REXO1: variants seen among roughly 807,000 people sequenced by gnomAD.
REXO1 encodes the protein RNA exonuclease 1 homolog.
REXO1 carries 42 observed loss-of-function variants against 102.6 expected under a neutral mutation model. The ratio of observed to expected loss-of-function variants is 0.41; its 90% CI spans 0.32 to 0.53. The LOEUF is 0.53. Among genes scored for constraint, REXO1 ranks in the 20% least tolerant of loss-of-function variants. The pLI is 0.27. For synonymous variants in REXO1, 908 were observed against 779.1 expected (o/e 1.17, Z -2.76); for missense variants, 1,819 against 1,732.5 (o/e 1.05, Z -0.89).
intron 1 of REXO1, among the ~76,000 whole-genome samples, chr19:1,833,339 G>T (rs732310): frequency 0.38 from 58,525 of 152,220 alleles, 13,114 homozygotes; most frequent in Non-Finnish European, 0.52. Context: ...GGGCAGGCAG[G>T]GGAACATCAC....
chr19:1,841,088 G>A (rs1192637699), intron 1 of REXO1, among the ~76,000 whole-genome samples: 1 of 152,250 alleles, frequency 6.6e-6, no homozygotes, highest in Non-Finnish European at 1.5e-5. Flanking sequence ...CAGTGCACAT[G>A]CGGCTCCTCC....
chr19:1,823,298 C>T (rs1294754883), intron 4 of REXO1: 3 of 383,338 alleles, frequency 7.8e-6, no homozygotes, highest in Admixed American at 4.5e-5. Flanking sequence ...ACCACAGGCT[C>T]AGGCCCTGGT....
chr19:1,815,849 C>A lies in REXO1; in HGVS notation c.*217G>T. ...AGCAGTTTCTAGAGACGCCAGAGGG[C>A]TGGGGGGCAGAGGGTGGGGACCGGC... On this transcript the variant is annotated 3_prime_UTR_variant, in exon 16 of 16. Transcript: ENST00000170168. This position sits in a 1 kb window ranked among gnomAD's most constrained non-coding sequence, Gnocchi z 4.0. 1.4e-6 allele frequency: 2 copies of A among 1,465,430 alleles called. No homozygotes were observed. The highest frequency in any genetic ancestry group is 1.8e-6 in the Non-Finnish European group (2 of 1,114,924). 90.8% of individuals were successfully genotyped at this position (1,465,430 alleles called of 1,614,324 possible).
chr19:1,843,685 G>A (rs1359856362), intron 1 of REXO1, among the ~76,000 whole-genome samples: 2 of 152,208 alleles, frequency 1.3e-5, no homozygotes, highest in African/African-American at 4.8e-5. Context: ...TGCTGGCTGC[G>A]GGGGTTCTCC....
At chr19:1,845,924 G>A (rs2011516737) in intron 1 of REXO1, among the ~76,000 whole-genome samples, 2 of 152,298 alleles carry the variant, frequency 1.3e-5, no homozygotes, top group South Asian at 2.1e-4. Flanking sequence ...CTGGCCAGGT[G>A]GTAGTATGGG....
At chr19:1,839,619 C>T (rs1035992046) in intron 1 of REXO1, among the ~76,000 whole-genome samples, 9 of 152,356 alleles carry the variant, frequency 5.9e-5, no homozygotes, top group Admixed American at 3.9e-4. Flanking sequence ...GTGGGCCGAC[C>T]CCGGCCCCAT....
chr19:1,828,034 T>C lies in REXO1; in HGVS notation c.755A>G (p.Asp252Gly). 6.2e-7 allele frequency: 1 copy of C among 1,612,780 alleles called. No homozygotes were observed. Among genetic ancestry groups the C allele is most frequent in the Non-Finnish European group, 8.5e-7 (1 of 1,179,712 alleles). The change falls in exon 2 of 16, where the codon GAT becomes GGT. Residue 252 changes from aspartate to glycine, a missense_variant. Transcript: ENST00000170168. Reference sequence around the variant, plus strand: ...CCGGGGCCGCTTGGCGGCCCGCTCATCCCGGGAGCTGGCCCTGCTGAGGTG... The same window carrying C: ...CCGGGGCCGCTTGGCGGCCCGCTCACCCCGGGAGCTGGCCCTGCTGAGGTG... The part of the protein sequence containing the change: ...ARHLSRASSR[D>G]ERAAKRPRGS...
chr19:1,841,028 C>A (rs745612320), intron 1 of REXO1, among the ~76,000 whole-genome samples: 3 of 152,218 alleles, frequency 2.0e-5, no homozygotes, highest in African/African-American at 7.2e-5. Flanking sequence ...TCCTCGCAGC[C>A]GTTCCCAAAA....
chr19:1,823,834 G>A (rs146256869), intron 3 of REXO1, 49 bp from the exon 4 acceptor site: 20 of 920,212 alleles, frequency 2.2e-5, no homozygotes, highest in Middle Eastern at 3.8e-4. Flanking sequence ...GGGGCACCTG[G>A]AGCAGGCGAC....
rs1020690305 is a variant in REXO1, at chr19:1,821,704, G to A, written c.2231-22C>T. The A allele has an allele frequency of 6.9e-6, 11 of 1,598,814 alleles. No homozygotes were observed. In the Admixed American group the frequency reaches 7.0e-5, roughly 10 times the overall value. On this transcript the variant is annotated intron_variant, in intron 4 of 15. Transcript: ENST00000170168. ...GGGGCTGGCGGGGCACAGGGGGTGT[G>A]GGCACAGGGCGAGTGGCTGCCCATC...
chr19:1,816,965 C>T lies in REXO1; in HGVS notation c.3202-152G>A, dbSNP rs1184338239. ...TAGGAGAGGCCGAGTGGGGTGTGAC[C>T]TCAGTAACCCCCTTTCGCAAAGCCC... On this transcript the variant is annotated intron_variant, in intron 12 of 15. Transcript: ENST00000170168. 4.2e-6 allele frequency: 3 copies of T among 719,368 alleles called. No individual in the cohort carries two copies. The African/African-American group carries it at 5.3e-5, about 13-fold the overall frequency. The allele number at this position is 719,368 out of a possible 1,614,324, so 44.6% of individuals were successfully genotyped here.
At position 1,815,727 on chromosome 19, in the gene REXO1, G is replaced by C; in HGVS notation, c.*339C>G. ...CGCCCCGCGACCCACGTGAGGAGCA[G>C]AGGTGCCGGCCACCACCCGGGAGGG... On this transcript the variant is annotated 3_prime_UTR_variant, in exon 16 of 16. Coordinates refer to ENST00000170168, the MANE Select transcript of REXO1 (RefSeq NM_020695.4). This position sits in a 1 kb window ranked among gnomAD's most constrained non-coding sequence, Gnocchi z 4.0. The C allele has an allele frequency of 7.2e-7, 1 of 1,395,358 alleles. No individual in the cohort carries two copies. Among genetic ancestry groups the C allele is most frequent in the Non-Finnish European group, 9.3e-7 (1 of 1,071,638 alleles). 86.4% of individuals were successfully genotyped at this position (1,395,358 alleles called of 1,614,324 possible). A position where few individuals can be genotyped will look rare whatever the true frequency, so the allele number is the denominator to read the frequency against.
chr19:1,821,780 G>T, intron 4 of REXO1, 98 bp from the exon 5 acceptor site: 1 of 1,126,854 alleles, frequency 8.9e-7, no homozygotes, highest in Non-Finnish European at 1.3e-6. Flanking sequence ...CCAGCAGCAC[G>T]TGCATCTCCG....
In REXO1 at chr19:1,819,039, G is replaced by A. The variant is rs1181802389; in HGVS notation, c.2743C>T (p.Pro915Ser). The A allele has an allele frequency of 3.1e-6, 5 of 1,602,504 alleles. No individual in the cohort carries two copies. The highest frequency in any genetic ancestry group is 4.3e-6 in the Non-Finnish European group (5 of 1,173,754). The change falls in exon 8 of 16, where the codon CCC (proline) becomes TCC (serine). Residue 915 changes from proline to serine, a missense_variant. Pro to Ser is a moderately conservative substitution (Grantham distance 74). Coordinates refer to ENST00000170168, the MANE Select transcript of REXO1 (RefSeq NM_020695.4). ...TSFSLSRPSS[P>S]RVEDLKGAAL... ...TTACCTTTCAGGTCCTCCACCCGGGGGCTGCTTGGACGGCTGAGCGAGAAG... is the reference window on the plus strand; with the variant it reads ...TTACCTTTCAGGTCCTCCACCCGGGAGCTGCTTGGACGGCTGAGCGAGAAG...
intron 1 of REXO1, among the ~76,000 whole-genome samples, chr19:1,847,371 A>T (rs187412063): frequency 3.4e-4 from 52 of 152,326 alleles, no homozygotes; most frequent in Admixed American, 1.0e-3. Flanking sequence ...CTCACGCCCA[A>T]TGAGGAAATC....
In REXO1 at chr19:1,820,369, T is replaced by G; in HGVS notation, c.2421A>C (p.Lys807Asn). Residue 807 changes from lysine (K) to asparagine (N), a missense_variant, in exon 6 of 16, where the codon AAA becomes AAC. By Grantham distance (94) the Lys-to-Asn change is moderately conservative (BLOSUM62 0). Coordinates refer to ENST00000170168, the MANE Select transcript of REXO1 (RefSeq NM_020695.4). ...LQSLKKPIIPKEFGGKVPTVI... is the reference protein window; with the variant it reads ...LQSLKKPIIPNEFGGKVPTVI... ...CGGTGGGGACTTTGCCCCCAAACTC[T>G]TTGGGGATAATGGGTTTCTTTAAAC... The G allele has an allele frequency of 6.2e-7, 1 of 1,613,692 alleles. No homozygotes were observed. The highest frequency in any genetic ancestry group is 8.5e-7 in the Non-Finnish European group (1 of 1,179,942).
At chr19:1,835,369 T>G (rs2070010470) in intron 1 of REXO1, among the ~76,000 whole-genome samples, 1 of 151,654 alleles carries the variant, frequency 6.6e-6, no homozygotes, top group Non-Finnish European at 1.5e-5. Context: ...ATGGTGAAAC[T>G]CCACCTCTAC....
chr19:1,819,405 G>T (rs1014398804), intron 7 of REXO1, among the ~76,000 whole-genome samples: 3 of 152,102 alleles, frequency 2.0e-5, no homozygotes, highest in African/African-American at 7.3e-5. Context: ...CTCAAGCGAA[G>T]GGGGAAGGGC....
intron 7 of REXO1, 128 bp from the exon 8 acceptor site, chr19:1,819,259 C>T: frequency 2.8e-6 from 2 of 702,626 alleles, no homozygotes; most frequent in African/African-American, 1.8e-5. Context: ...GGACAGCACC[C>T]CACTGACCCC....
Sources: gnomAD v4.1 joint callset for allele counts (sites outside exome capture counted in the v4.1 genomes callset) on GRCh38, gnomAD v4.1.1 for gene constraint, Gnocchi (gnomAD v3.1) non-coding constraint, MANE v1.5 for transcripts, NCBI Gene and HGNC (gene_info 2026-07-23, HGNC 2026-07-21) for gene names.